Variants in PACRG observed in about 807,000 individuals in gnomAD.
The protein encoded by PACRG is parkin coregulated, also known as parkin coregulated gene protein.
Under a neutral mutation model 29.7 loss-of-function variants are expected in PACRG, and 29 were observed. The ratio of observed to expected loss-of-function variants is 0.98; its 90% CI spans 0.73 to 1.33. PACRG has a LOEUF of 1.33. Ranked by LOEUF, PACRG falls within the 40% of genes most tolerant of loss-of-function variation. The pLI is 0.00. For synonymous variants in PACRG, 116 were observed against 118.7 expected (o/e 0.98, Z 0.15); for missense variants, 279 against 316.2 (o/e 0.88, Z 0.89).
intron 2 of PACRG, among the ~76,000 whole-genome samples, chr6:163,050,588 G>T (rs1251474856): frequency 6.6e-6 from 1 of 151,686 alleles, no homozygotes; most frequent in Non-Finnish European, 1.5e-5. Flanking sequence ...ATGATCCAGG[G>T]GTTAAAAAAA....
At chr6:162,854,249 A>G (rs1791182949) in intron 2 of PACRG, among the ~76,000 whole-genome samples, 1 of 151,196 alleles carries the variant, frequency 6.6e-6, no homozygotes, top group African/African-American at 2.4e-5. Flanking sequence ...CATAGTAAGC[A>G]TTCAGTAATG....
At chr6:163,190,761 C>T (rs6907521) in intron 4 of PACRG, 233,818 of 291,166 alleles carry the variant, frequency 0.8, 94,673 homozygotes, top group Non-Finnish European at 0.85. Context: ...TCTCTTATAC[C>T]AAAAAGCCCA....
chr6:162,996,530 A>G (rs554664393), intron 2 of PACRG, among the ~76,000 whole-genome samples: 1 of 152,300 alleles, frequency 6.6e-6, no homozygotes, highest in South Asian at 2.1e-4. Flanking sequence ...AAAATGAAAC[A>G]TTCCACCAAA....
chr6:162,943,902 A>AT (rs1196048501), intron 2 of PACRG, among the ~76,000 whole-genome samples: 1 of 152,038 alleles, frequency 6.6e-6, no homozygotes, highest in East Asian at 1.9e-4. Flanking sequence ...GAGGATTGTC[A>AT]TGCTGCTACT....
At chr6:163,266,852 G>A (rs1028093780) in intron 4 of PACRG, among the ~76,000 whole-genome samples, 5 of 152,064 alleles carry the variant, frequency 3.3e-5, no homozygotes, top group Non-Finnish European at 7.4e-5. Context: ...CACAAGATTT[G>A]GGGAAAGTTC....
chr6:163,226,448 C>T (rs1378352151), intron 4 of PACRG, among the ~76,000 whole-genome samples: 2 of 152,332 alleles, frequency 1.3e-5, no homozygotes, highest in East Asian at 3.9e-4. Context: ...TGTGTTGAAA[C>T]ATCACATTGC....
At chr6:162,763,232 A>G (rs986122394) in intron 1 of PACRG, among the ~76,000 whole-genome samples, 3 of 152,322 alleles carry the variant, frequency 2.0e-5, no homozygotes, top group South Asian at 2.1e-4. Context: ...AAATGTTATT[A>G]TGGACCTGAG....
At chr6:163,207,586 C>T (rs778576277) in intron 4 of PACRG, among the ~76,000 whole-genome samples, 54 of 152,292 alleles carry the variant, frequency 3.5e-4, no homozygotes, top group Admixed American at 1.3e-3. Context: ...TGTTTCCCAT[C>T]CCTGTTTCCT....
At chr6:163,123,062 C>T (rs1585241901) in intron 4 of PACRG, among the ~76,000 whole-genome samples, 1 of 152,184 alleles carries the variant, frequency 6.6e-6, no homozygotes. Context: ...AAAACAGCTC[C>T]CCGGTACAGA....
intron 2 of PACRG, among the ~76,000 whole-genome samples, chr6:162,920,500 G>C (rs1796992513): frequency 1.3e-5 from 2 of 152,154 alleles, no homozygotes; most frequent in African/African-American, 2.4e-5. Flanking sequence ...CATGGGACTT[G>C]AGAAGTTATG....
rs1554372289 is a variant in PACRG, at chr6:163,144,369, C to CACACT, written c.613+54962_613+54963insCACTA. 3.9e-3 allele frequency among the ~76,000 whole-genome samples: 591 copies of CACACT among 150,344 alleles called. 6 individuals are homozygous for CACACT. The highest frequency in any genetic ancestry group is 0.014 in the African/African-American group (563 of 40,528). ...ACATACACACACACACACACACACA[C>CACACT]AGTTATATTACTGCAACAACGTGGG... On this transcript the variant is annotated intron_variant, in intron 4 of 4. Transcript: ENST00000366888.
intron 2 of PACRG, among the ~76,000 whole-genome samples, chr6:162,972,548 T>A (rs529727014): frequency 1.3e-5 from 2 of 152,282 alleles, no homozygotes; most frequent in South Asian, 4.1e-4. Context: ...CTGTTATAAA[T>A]CATAACCTGA....
chr6:162,966,652 A>G (rs1483344194), intron 2 of PACRG, among the ~76,000 whole-genome samples: 2 of 151,706 alleles, frequency 1.3e-5, no homozygotes, highest in Admixed American at 1.3e-4. Flanking sequence ...AATTTTTTGT[A>G]TTTTTAGTAG....
intron 4 of PACRG, among the ~76,000 whole-genome samples, chr6:163,286,372 C>T (rs13204553): frequency 0.21 from 32,407 of 152,020 alleles, 4,034 homozygotes; most frequent in Middle Eastern, 0.32. Context: ...CATAATAACA[C>T]AGGTAGTAAT....
At chr6:163,293,902 A>G (rs1363754532) in intron 4 of PACRG, among the ~76,000 whole-genome samples, 1 of 152,182 alleles carries the variant, frequency 6.6e-6, no homozygotes, top group African/African-American at 2.4e-5. Context: ...CCACATTTTG[A>G]TACATTCTCA....
intron 4 of PACRG, chr6:163,182,662 G>T (rs2128354816): frequency 6.6e-6 from 1 of 152,296 alleles, no homozygotes; most frequent in African/African-American, 2.4e-5. Flanking sequence ...CCTTATGAAA[G>T]AGTAATTTCT....
chr6:162,784,867 G>A (rs987130659), intron 1 of PACRG, among the ~76,000 whole-genome samples: 6 of 152,084 alleles, frequency 3.9e-5, no homozygotes, highest in South Asian at 4.1e-4. Flanking sequence ...AGGTGAGATC[G>A]GATAAGAATT....
chr6:163,263,226 C>G (rs1252646526), intron 4 of PACRG, among the ~76,000 whole-genome samples: 1 of 151,394 alleles, frequency 6.6e-6, no homozygotes, highest in Non-Finnish European at 1.5e-5. Flanking sequence ...AGAACCCTTC[C>G]CTTCCCATCC....
chr6:163,179,778 G>C (rs1779566408), intron 4 of PACRG, among the ~76,000 whole-genome samples: 1 of 151,898 alleles, frequency 6.6e-6, no homozygotes, highest in Non-Finnish European at 1.5e-5. Flanking sequence ...CATCCACTCT[G>C]TAAGCCTTTA....
Sources: allele counts gnomAD v4.1 joint callset (sites outside exome capture counted in the v4.1 genomes callset), GRCh38; gene constraint gnomAD v4.1.1; transcripts MANE v1.5; gene names NCBI Gene and HGNC (gene_info 2026-07-23, HGNC 2026-07-21).